CTNNA2: variants seen among roughly 807,000 people sequenced by gnomAD.
CTNNA2 encodes catenin alpha-2.
Under a neutral mutation model 101.0 loss-of-function variants are expected in CTNNA2, and 42 were observed. The ratio of observed to expected loss-of-function variants is 0.42; its 90% CI spans 0.32 to 0.54. The LOEUF is 0.54. Among genes scored for constraint, CTNNA2 ranks in the 20% least tolerant of loss-of-function variants. The pLI, the probability that CTNNA2 is intolerant of heterozygous loss-of-function variation, is 0.14. For synonymous variants in CTNNA2, 450 were observed against 456.4 expected, an observed-to-expected ratio of 0.99 and a Z score of 0.18; for missense variants, 871 against 1,223.1, an observed-to-expected ratio of 0.71 and a Z score of 4.29.
At chr2:80,474,161 A>C (rs1199410088) in intron 9 of CTNNA2, among the ~76,000 whole-genome samples, 1 of 152,250 alleles carries the variant, frequency 6.6e-6, no homozygotes, top group African/African-American at 2.4e-5. Flanking sequence ...TTTTAACAAC[A>C]GTAAAAAATA....
chr2:80,558,905 G>A (rs1693298874), intron 12 of CTNNA2, among the ~76,000 whole-genome samples: 1 of 152,178 alleles, frequency 6.6e-6, no homozygotes, highest in African/African-American at 2.4e-5. Flanking sequence ...CCTTGAGTCA[G>A]ACATGCTCAA....
intron 7 of CTNNA2, among the ~76,000 whole-genome samples, chr2:79,962,333 C>T (rs1246788676): frequency 6.6e-6 from 1 of 152,222 alleles, no homozygotes; most frequent in African/African-American, 2.4e-5. Flanking sequence ...TTTCTGCAGC[C>T]TCTTTTAGGA....
At chr2:80,495,383 T>G (rs1217305176) in intron 9 of CTNNA2, among the ~76,000 whole-genome samples, 1 of 152,166 alleles carries the variant, frequency 6.6e-6, no homozygotes, top group Admixed American at 6.5e-5. Context: ...AACTCTCTTC[T>G]GTCTCTTAAA....
intron 3 of CTNNA2, among the ~76,000 whole-genome samples, chr2:79,832,186 C>CA (rs1678980434): frequency 4.6e-5 from 7 of 152,154 alleles, no homozygotes; most frequent in African/African-American, 1.7e-4. Context: ...TCGCCTATGG[C>CA]CATGTTCCAT....
chr2:79,455,368 T>G (rs1670807768), intron 4 of CTNNA2, among the ~76,000 whole-genome samples: 3 of 152,050 alleles, frequency 2.0e-5, no homozygotes, highest in Admixed American at 6.6e-5. Context: ...AAAAGTAAGG[T>G]CATCGCAGTT....
intron 7 of CTNNA2, among the ~76,000 whole-genome samples, chr2:80,276,199 C>T (rs1241200780): frequency 6.6e-6 from 1 of 152,058 alleles, no homozygotes; most frequent in Non-Finnish European, 1.5e-5. Flanking sequence ...CTGGATATTC[C>T]ACAATTCAGA....
intron 3 of CTNNA2, among the ~76,000 whole-genome samples, chr2:79,345,375 A>G (rs576918327): frequency 5.3e-5 from 8 of 152,232 alleles, no homozygotes; most frequent in African/African-American, 1.9e-4. Context: ...TTGTTCTCTC[A>G]TAGGCTACAT....
At chr2:79,850,374 C>G (rs1473732469) in intron 3 of CTNNA2, among the ~76,000 whole-genome samples, 1 of 131,254 alleles carries the variant, frequency 7.6e-6, no homozygotes, top group African/African-American at 2.9e-5. Flanking sequence ...TCCCTGCCTC[C>G]CTCCCTCTGT....
chr2:80,128,234 A>T (rs1702240145), intron 7 of CTNNA2, among the ~76,000 whole-genome samples: 1 of 152,206 alleles, frequency 6.6e-6, no homozygotes, highest in Non-Finnish European at 1.5e-5. Context: ...GTGAAAACCG[A>T]AGCCTGGTGC....
chr2:80,218,386 C>T (rs548366467), intron 7 of CTNNA2, among the ~76,000 whole-genome samples: 14 of 152,332 alleles, frequency 9.2e-5, no homozygotes, highest in African/African-American at 3.1e-4. Flanking sequence ...TATGTTAATC[C>T]GACAGCAGTT....
At chr2:80,387,587 A>G (rs1413924871) in intron 7 of CTNNA2, among the ~76,000 whole-genome samples, 1 of 152,150 alleles carries the variant, frequency 6.6e-6, no homozygotes, top group African/African-American at 2.4e-5. Context: ...TCTGAAGATT[A>G]ATTGTAAAAA....
chr2:80,274,138 G>A (rs1673711518), intron 7 of CTNNA2, among the ~76,000 whole-genome samples: 1 of 152,100 alleles, frequency 6.6e-6, no homozygotes, highest in Non-Finnish European at 1.5e-5. Context: ...GTAATGTCAG[G>A]GTCACATTTT....
intron 6 of CTNNA2, among the ~76,000 whole-genome samples, chr2:79,903,213 C>T (rs1685194572): frequency 6.6e-6 from 1 of 152,118 alleles, no homozygotes; most frequent in South Asian, 2.1e-4. Flanking sequence ...ATTTTCAAAT[C>T]CTGCCAGATT....
intron 4 of CTNNA2, 91 bp from the exon 5 acceptor site, chr2:79,869,725 T>C (rs150440541): frequency 6.5e-4 from 974 of 1,507,882 alleles, no homozygotes; most frequent in Non-Finnish European, 7.5e-4. Context: ...ACTAGTGTTT[T>C]AGAGTTTTTG....
rs528112518 is a variant in CTNNA2, at chr2:79,407,443, T to G, written c.-135+33430T>G. Among the ~76,000 whole-genome samples the G allele has an allele frequency of 1.3e-4, 20 of 151,762 alleles. No individual in the cohort carries two copies. In the East Asian group the frequency reaches 2.5e-3, roughly 19 times the overall value. On this transcript the variant is annotated intron_variant, in intron 4 of 21. Coordinates refer to the CTNNA2 transcript ENST00000466387. Reference sequence around the variant, plus strand: ...AGAAATCACAGATCTTATTTTCTGGTTTTTTTTCTCTCCCCATATGCAACT... The same window carrying G: ...AGAAATCACAGATCTTATTTTCTGGGTTTTTTTCTCTCCCCATATGCAACT...
At chr2:79,388,743 T>G (rs985163975) in intron 4 of CTNNA2, among the ~76,000 whole-genome samples, 10 of 152,082 alleles carry the variant, frequency 6.6e-5, no homozygotes, top group Non-Finnish European at 1.3e-4. Flanking sequence ...TACCTTTGAG[T>G]CCTAATACAC....
At chr2:80,163,368 A>G (rs1704457819) in intron 7 of CTNNA2, among the ~76,000 whole-genome samples, 1 of 152,100 alleles carries the variant, frequency 6.6e-6, no homozygotes, top group South Asian at 2.1e-4. Flanking sequence ...TTTGATCCAT[A>G]AATTAAGAAG....
chr2:80,402,025 G>T (rs1678595414), intron 8 of CTNNA2, among the ~76,000 whole-genome samples: 1 of 152,188 alleles, frequency 6.6e-6, no homozygotes, highest in South Asian at 2.1e-4. Flanking sequence ...GAAAGTAGTA[G>T]GTTGTCACCT....
intron 7 of CTNNA2, among the ~76,000 whole-genome samples, chr2:80,013,554 A>G (rs1022534607): frequency 6.6e-6 from 1 of 152,142 alleles, no homozygotes; most frequent in Non-Finnish European, 1.5e-5. Context: ...CATCTACCCA[A>G]ATGTAAAACC....
Sources: allele counts gnomAD v4.1 joint callset (sites outside exome capture counted in the v4.1 genomes callset), GRCh38; gene constraint gnomAD v4.1.1; transcripts MANE v1.5; gene names NCBI Gene and HGNC (gene_info 2026-07-23, HGNC 2026-07-21).